GFOD1: variants seen among roughly 807,000 people sequenced by gnomAD.
GFOD1 encodes the protein glucose-fructose oxidoreductase domain-containing protein 1.
Under a neutral mutation model 25.4 loss-of-function variants are expected in GFOD1, and 9 were observed. The ratio of observed to expected loss-of-function variants is 0.35; its 90% CI spans 0.21 to 0.62. GFOD1 has a LOEUF of 0.62. Ranked by LOEUF, GFOD1 falls within the 20% of genes least tolerant of loss-of-function variation. The pLI is 0.72. For synonymous variants in GFOD1, 253 were observed against 245.6 expected (o/e 1.03, Z -0.28); for missense variants, 403 against 556.9 (o/e 0.72, Z 2.78).
At chr6:13,397,186 G>A (rs9474110) in intron 1 of GFOD1, among the ~76,000 whole-genome samples, 6,387 of 152,206 alleles carry the variant, frequency 0.042, 344 homozygotes, top group African/African-American at 0.13. Flanking sequence ...TGATTGGCCC[G>A]CCTCGGCCTC....
At chr6:13,451,725 G>A (rs1341626849) in intron 1 of GFOD1, among the ~76,000 whole-genome samples, 1 of 152,218 alleles carries the variant, frequency 6.6e-6, no homozygotes, top group African/African-American at 2.4e-5. Context: ...CAAGGACCAG[G>A]GTTGGGAATG....
chr6:13,463,473 G>T (rs909920784), intron 1 of GFOD1, among the ~76,000 whole-genome samples: 1 of 152,206 alleles, frequency 6.6e-6, no homozygotes, highest in East Asian at 1.9e-4. Context: ...GCGCAAAACA[G>T]AATATTTTCA....
intron 1 of GFOD1, among the ~76,000 whole-genome samples, chr6:13,462,604 TTTC>T (rs1758311048): frequency 6.6e-6 from 1 of 152,188 alleles, no homozygotes; most frequent in African/African-American, 2.4e-5. Flanking sequence ...TATCATTACT[TTTC>T]TTCTTGCTGA....
At chr6:13,402,316 A>G (rs1785862883) in intron 1 of GFOD1, among the ~76,000 whole-genome samples, 2 of 152,364 alleles carry the variant, frequency 1.3e-5, no homozygotes, top group Middle Eastern at 3.4e-3. Flanking sequence ...AAGACAAGTG[A>G]CTATATATAA....
rs535660528 is a variant in GFOD1, at chr6:13,428,583, A to G, written c.253+58055T>C. On this transcript the variant is annotated intron_variant, in intron 1 of 1. Coordinates refer to ENST00000379287, the MANE Select transcript of GFOD1 (RefSeq NM_018988.4). ...ATTAAAGGCCGCTGCAAGAACAACAATGGAAAAAGGCTCAGGGCTTTAAAT... is the reference window on the plus strand; with the variant it reads ...ATTAAAGGCCGCTGCAAGAACAACAGTGGAAAAAGGCTCAGGGCTTTAAAT... Among the ~76,000 whole-genome samples, 7 of 152,294 alleles carry G rather than the reference A, an allele frequency of 4.6e-5. No homozygotes were observed. In the East Asian group the frequency reaches 9.7e-4, roughly 21 times the overall value.
chr6:13,475,671 T>C (rs1361061159), intron 1 of GFOD1, among the ~76,000 whole-genome samples: 1 of 150,560 alleles, frequency 6.6e-6, no homozygotes, highest in Admixed American at 6.6e-5. Context: ...TAAGCCGAGA[T>C]TACGCCATTG....
At chr6:13,392,892 CA>C (rs551198222) in intron 1 of GFOD1, among the ~76,000 whole-genome samples, 2,958 of 137,472 alleles carry the variant, frequency 0.022, 96 homozygotes, top group African/African-American at 0.07. Context: ...GCTGTCCCTA[CA>C]AAAAAAAAAA....
chr6:13,422,697 A>T (rs1206291118), intron 1 of GFOD1, among the ~76,000 whole-genome samples: 1 of 152,214 alleles, frequency 6.6e-6, no homozygotes, highest in Non-Finnish European at 1.5e-5. Flanking sequence ...TTTCCATCTA[A>T]GTAGGAAGCC....
At chr6:13,473,889 G>A (rs1758560328) in intron 1 of GFOD1, among the ~76,000 whole-genome samples, 1 of 152,140 alleles carries the variant, frequency 6.6e-6, no homozygotes, top group South Asian at 2.1e-4. Context: ...AAGAGGGGAA[G>A]TGCACCCGGG....
intron 1 of GFOD1, among the ~76,000 whole-genome samples, chr6:13,366,165 A>G (rs1173222807): frequency 2.6e-5 from 4 of 152,044 alleles, no homozygotes; most frequent in Non-Finnish European, 1.5e-5. Context: ...TTTATGTTGC[A>G]TTACTTAATT....
At position 13,446,544 on chromosome 6, in the gene GFOD1, C is replaced by T. The variant is rs147709750; in HGVS notation, c.253+40094G>A. Among the ~76,000 whole-genome samples, 598 of 152,268 alleles carry T rather than the reference C, an allele frequency of 3.9e-3. 4 individuals carry two copies. Among genetic ancestry groups the T allele is most frequent in the Non-Finnish European group, 6.4e-3 (438 of 68,024 alleles). ...GAAGCCGGGAGAGTCTGAGCAACAG[C>T]CAAGGGATACACCAGGCCCACTCTG... On this transcript the variant is annotated intron_variant, in intron 1 of 1. Coordinates refer to ENST00000379287, the MANE Select transcript of GFOD1 (RefSeq NM_018988.4).
chr6:13,402,679 A>T (rs937691256), intron 1 of GFOD1, among the ~76,000 whole-genome samples: 4 of 152,202 alleles, frequency 2.6e-5, no homozygotes, highest in African/African-American at 7.2e-5. Context: ...AGAAAATAAC[A>T]AGTGTTGGCA....
In GFOD1 at chr6:13,449,845, T is replaced by C. The variant is rs1337665841; in HGVS notation, c.253+36793A>G. On this transcript the variant is annotated intron_variant, in intron 1 of 1. Coordinates refer to ENST00000379287, the MANE Select transcript of GFOD1 (RefSeq NM_018988.4). ...TCTTTATAAATTACCTAGTCTCGGATATGTCTTTATCAACAGCATGAAAAC... is the reference window on the plus strand; with the variant it reads ...TCTTTATAAATTACCTAGTCTCGGACATGTCTTTATCAACAGCATGAAAAC... Among the ~76,000 whole-genome samples the C allele has an allele frequency of 2.0e-5, 3 of 152,216 alleles. No individual in the cohort carries two copies. In the East Asian group the frequency reaches 5.8e-4, roughly 29 times the overall value.
At chr6:13,480,603 C>T (rs1447259488) in intron 1 of GFOD1, among the ~76,000 whole-genome samples, 1 of 152,186 alleles carries the variant, frequency 6.6e-6, no homozygotes, top group African/African-American at 2.4e-5. Flanking sequence ...CTCCAGGCCT[C>T]AGGTGATCCT....
chr6:13,428,113 A>T (rs1562216096), intron 1 of GFOD1, among the ~76,000 whole-genome samples: 1 of 152,234 alleles, frequency 6.6e-6, no homozygotes, highest in Non-Finnish European at 1.5e-5. Flanking sequence ...CCACAGAGAT[A>T]GGAAAGTCCA....
chr6:13,453,838 C>A (rs764390149), intron 1 of GFOD1, among the ~76,000 whole-genome samples: 1 of 152,228 alleles, frequency 6.6e-6, no homozygotes, highest in African/African-American at 2.4e-5. Context: ...AGGCCATCAG[C>A]CTCCATAACC....
chr6:13,371,829 A>C (rs1785159889), intron 1 of GFOD1, among the ~76,000 whole-genome samples: 1 of 152,136 alleles, frequency 6.6e-6, no homozygotes, highest in African/African-American at 2.4e-5. Context: ...CCACGGCTCC[A>C]TGCTCAGCTC....
intron 1 of GFOD1, among the ~76,000 whole-genome samples, chr6:13,375,301 T>C (rs1302849897): frequency 6.6e-6 from 1 of 152,182 alleles, no homozygotes; most frequent in Non-Finnish European, 1.5e-5. Flanking sequence ...TACACGCTCC[T>C]ATTTTTACTG....
At chr6:13,403,980 T>C (rs946905362) in intron 1 of GFOD1, among the ~76,000 whole-genome samples, 4 of 152,184 alleles carry the variant, frequency 2.6e-5, no homozygotes, top group Non-Finnish European at 5.9e-5. Context: ...CATGGCATTT[T>C]TGGCAGGAAA....
Sources: allele counts gnomAD v4.1 joint callset (sites outside exome capture counted in the v4.1 genomes callset), GRCh38; gene constraint gnomAD v4.1.1; transcripts MANE v1.5; gene names NCBI Gene and HGNC (gene_info 2026-07-23, HGNC 2026-07-21).